SLC35F3: variants seen among roughly 807,000 people sequenced by gnomAD.
The protein encoded by SLC35F3 is solute carrier family 35 member F3, also known as putative thiamine transporter SLC35F3.
SLC35F3 carries 25 observed loss-of-function variants against 49.9 expected under a neutral mutation model. That is an observed-to-expected ratio of 0.50 (90% CI 0.37 to 0.70). The LOEUF (loss-of-function observed/expected upper bound fraction) is 0.70, where lower values mean the gene tolerates loss of function less well. Among genes scored for constraint, SLC35F3 ranks in the 30% least tolerant of loss-of-function variants. SLC35F3 has a pLI of 0.00. For missense variants in SLC35F3, 525 were observed against 639.8 expected (o/e 0.82, Z 1.94); for synonymous variants, 275 against 265.4 (o/e 1.04, Z -0.35).
chr1:233,969,063 G>T lies in SLC35F3; in HGVS notation c.283+63305G>T, dbSNP rs190340418. ...GAGTTAGAATTTTGACATATTTTGG[G>T]GGGGGGGACACAATTCAACCCATAA... On this transcript the variant is annotated intron_variant, in intron 2 of 7. Transcript: ENST00000366618. Among the ~76,000 whole-genome samples, 43 of 150,610 alleles carry T rather than the reference G, an allele frequency of 2.9e-4. 1 individual carries two copies. In the East Asian group the frequency reaches 8.2e-3, roughly 29 times the overall value.
chr1:234,215,900 C>T (rs750633837), intron 2 of SLC35F3, among the ~76,000 whole-genome samples: 2 of 152,154 alleles, frequency 1.3e-5, no homozygotes, highest in African/African-American at 2.4e-5. Flanking sequence ...CTGGGCTGTC[C>T]GATCCAAAGC....
At chr1:233,906,727 C>T (rs189341370) in intron 2 of SLC35F3, among the ~76,000 whole-genome samples, 13 of 151,992 alleles carry the variant, frequency 8.6e-5, no homozygotes, top group Middle Eastern at 3.4e-3. Flanking sequence ...AAGGGGAAAA[C>T]GGGCGTTTGT....
intron 2 of SLC35F3, among the ~76,000 whole-genome samples, chr1:234,049,302 C>T (rs185091520): frequency 2.0e-5 from 3 of 152,160 alleles, no homozygotes; most frequent in Non-Finnish European, 4.4e-5. Context: ...GATTAGTGGC[C>T]TTTAAAGAAG....
At chr1:234,156,353 G>A (rs549209354) in intron 2 of SLC35F3, among the ~76,000 whole-genome samples, 4 of 152,306 alleles carry the variant, frequency 2.6e-5, no homozygotes, top group African/African-American at 9.6e-5. Context: ...TGAAGCCTTT[G>A]TAAAGTGCAC....
chr1:233,907,865 A>G (rs1397349010), intron 2 of SLC35F3, among the ~76,000 whole-genome samples: 1 of 152,156 alleles, frequency 6.6e-6, no homozygotes, highest in Non-Finnish European at 1.5e-5. Context: ...AGCTGGGATT[A>G]CAGGCGTGCG....
chr1:233,927,581 T>C (rs1662180175), intron 2 of SLC35F3, among the ~76,000 whole-genome samples: 1 of 152,092 alleles, frequency 6.6e-6, no homozygotes. Flanking sequence ...TTGTGAGATG[T>C]TTACATAATT....
chr1:234,254,388 T>C (rs561973579), intron 3 of SLC35F3, among the ~76,000 whole-genome samples: 12 of 152,186 alleles, frequency 7.9e-5, no homozygotes, highest in African/African-American at 2.9e-4. Context: ...TCACCAATGG[T>C]GCAGATGTGG....
chr1:234,318,989 A>G, intron 6 of SLC35F3, 46 bp downstream of exon 6: 1 of 1,522,960 alleles, frequency 6.6e-7, no homozygotes, highest in Non-Finnish European at 9.0e-7. Flanking sequence ...GCAACCACCC[A>G]CAGAGGACCC....
intron 3 of SLC35F3, chr1:234,285,171 G>A (rs1240454918): frequency 1.0e-5 from 3 of 300,008 alleles, no homozygotes; most frequent in Non-Finnish European, 1.9e-5. Context: ...GGAAGGAGGT[G>A]GCTACTCTTC....
At chr1:234,143,525 G>A (rs1572068101) in intron 2 of SLC35F3, among the ~76,000 whole-genome samples, 1 of 152,102 alleles carries the variant, frequency 6.6e-6, no homozygotes, top group East Asian at 1.9e-4. Context: ...CTGACCTCAG[G>A]TGATCCACCT....
intron 2 of SLC35F3, among the ~76,000 whole-genome samples, chr1:234,169,659 G>C (rs956350877): frequency 2.0e-5 from 3 of 152,212 alleles, no homozygotes; most frequent in Admixed American, 6.5e-5. Flanking sequence ...GGAAGTCCAG[G>C]CTTAGAGGCT....
intron 3 of SLC35F3, among the ~76,000 whole-genome samples, chr1:234,297,747 A>G (rs1285908850): frequency 1.4e-5 from 1 of 71,870 alleles, no homozygotes; most frequent in Non-Finnish European, 2.9e-5. Context: ...CTGTCTCAAA[A>G]AAAAAAAAAA....
At chr1:234,074,240 G>A (rs1196594750) in intron 2 of SLC35F3, among the ~76,000 whole-genome samples, 2 of 152,144 alleles carry the variant, frequency 1.3e-5, no homozygotes, top group Non-Finnish European at 2.9e-5. Flanking sequence ...CTTCCATCCT[G>A]ATTGCTGGTC....
At chr1:234,292,575 G>C (rs1223462869) in intron 3 of SLC35F3, among the ~76,000 whole-genome samples, 1 of 152,212 alleles carries the variant, frequency 6.6e-6, no homozygotes, top group Non-Finnish European at 1.5e-5. Flanking sequence ...CTGGGGTCTG[G>C]AATAAATGAT....
At chr1:234,140,768 G>A (rs1215055352) in intron 2 of SLC35F3, among the ~76,000 whole-genome samples, 1 of 152,096 alleles carries the variant, frequency 6.6e-6, no homozygotes, top group African/African-American at 2.4e-5. Flanking sequence ...GGCAAGCTAC[G>A]GAACCTCCTT....
chr1:234,317,919 A>G (rs1657529131), intron 5 of SLC35F3, among the ~76,000 whole-genome samples: 1 of 152,226 alleles, frequency 6.6e-6, no homozygotes, highest in Admixed American at 6.5e-5. Flanking sequence ...CTCCTCTACC[A>G]CCTGCAACTT....
chr1:234,191,573 C>G (rs1034337827), intron 2 of SLC35F3, among the ~76,000 whole-genome samples: 2 of 151,468 alleles, frequency 1.3e-5, no homozygotes, highest in African/African-American at 4.9e-5. Flanking sequence ...CCAAGCCCAG[C>G]AGAAGAAGAG....
At chr1:233,952,924 A>G (rs376702572) in intron 2 of SLC35F3, among the ~76,000 whole-genome samples, 1 of 152,308 alleles carries the variant, frequency 6.6e-6, no homozygotes, top group East Asian at 1.9e-4. Context: ...TTCCAAAAAG[A>G]TGAGGGAGAA....
intron 2 of SLC35F3, among the ~76,000 whole-genome samples, chr1:234,084,718 A>G (rs966083689): frequency 6.6e-6 from 1 of 152,142 alleles, no homozygotes; most frequent in African/African-American, 2.4e-5. Context: ...ATGGGTTATC[A>G]TGTTTCTAGA....
Sources: gnomAD v4.1 joint callset for allele counts (sites outside exome capture counted in the v4.1 genomes callset) on GRCh38, gnomAD v4.1.1 for gene constraint, MANE v1.5 for transcripts, NCBI Gene and HGNC (gene_info 2026-07-23, HGNC 2026-07-21) for gene names.